The following SYNE2 variants were observed in gnomAD, a reference collection of about 807,000 sequenced individuals.
SYNE2 encodes spectrin repeat containing nuclear envelope protein 2, also known as nesprin-2.
In SYNE2, 431 loss-of-function variants were observed where a neutral mutation model predicts 856.3. The ratio of observed to expected loss-of-function variants is 0.50; its 90% CI spans 0.47 to 0.55. The LOEUF is 0.55. Among genes scored for constraint, SYNE2 ranks in the 20% least tolerant of loss-of-function variants. The pLI is 0.00. For missense variants in SYNE2, 8,129 were observed against 8,023.2 expected, an observed-to-expected ratio of 1.01 and a Z score of -0.50; for synonymous variants, 2,923 against 2,872.3, an observed-to-expected ratio of 1.02 and a Z score of -0.56.
intron 1 of SYNE2, among the ~76,000 whole-genome samples, chr14:63,890,358 C>A (rs749196188): frequency 3.9e-5 from 6 of 152,074 alleles, no homozygotes; most frequent in Non-Finnish European, 8.8e-5. Flanking sequence ...CTACTGCGCT[C>A]GGCTATTAAG....
At position 64,000,707 on chromosome 14, in the gene SYNE2, C is replaced by T. The variant is rs1436405196; in HGVS notation, c.3626C>T (p.Thr1209Ile). The change falls in exon 28 of 116, where the codon ACT becomes ATT. Residue 1209 changes from threonine to isoleucine, a missense_variant. Coordinates refer to ENST00000555002, the MANE Select transcript of SYNE2 (RefSeq NM_182914.3). ...LKERERELQMTLNTRMESLET... is the reference protein window; with the variant it reads ...LKERERELQMILNTRMESLET... ...GAAAGAGAAAGAGAGCTTCAGATGA[C>T]TCTTAATACCAGGTAAAATTCTGAG... The T allele has an allele frequency of 6.2e-7, 1 of 1,611,896 alleles. No individual in the cohort carries two copies. Among genetic ancestry groups the T allele is most frequent in the Admixed American group, 1.7e-5 (1 of 59,946 alleles).
intron 57 of SYNE2, among the ~76,000 whole-genome samples, chr14:64,083,182 A>G (rs1230349434): frequency 2.0e-5 from 3 of 151,998 alleles, no homozygotes; most frequent in East Asian, 3.8e-4. Flanking sequence ...TCTTACGGTA[A>G]CAGTTGTAAA....
At chr14:63,956,564 A>C in intron 8 of SYNE2, 1 of 412,150 alleles carries the variant, frequency 2.4e-6, no homozygotes, top group Non-Finnish European at 4.8e-6. Flanking sequence ...CTTTATTAAG[A>C]GATAATTCAC....
At chr14:64,076,128 T>C (rs1409446525) in intron 54 of SYNE2, 28 bp downstream of exon 54, 4 of 1,609,700 alleles carry the variant, frequency 2.5e-6, no homozygotes, top group African/African-American at 1.3e-5. Context: ...ACTACTGTTA[T>C]TATTTACGGA....
chr14:64,225,928 A>C lies in SYNE2; in HGVS notation c.*402A>C. ...GCAAGCGAGGACATTCCACCCTAGA[A>C]ATGGTTCAGAAACTCATAGGCACCC... is the stretch of plus-strand genomic sequence containing the variant. On this transcript the variant is annotated 3_prime_UTR_variant, in exon 116 of 116. Transcript: ENST00000555002. The C allele has an allele frequency of 2.5e-6, 1 of 393,938 alleles. No individual in the cohort carries two copies. Among genetic ancestry groups the C allele is most frequent in the East Asian group, 4.6e-5 (1 of 21,760 alleles). 24.4% of individuals were successfully genotyped at this position (393,938 alleles called of 1,614,324 possible). A position where few individuals can be genotyped will look rare whatever the true frequency, so the allele number is the denominator to read the frequency against.
Position 63,967,701 on chromosome 14 carries a change from A to G in SYNE2, c.991-8A>G. On this transcript the variant is annotated splice_polypyrimidine_tract_variant and splice_region_variant and intron_variant, in intron 10 of 115. Coordinates refer to ENST00000555002, the MANE Select transcript of SYNE2 (RefSeq NM_182914.3). ...TTTTCAATCTTTAAAATACTCTTCT[A>G]ATTGCAGAGCCTGCTGTCCTTTATG... is the stretch of plus-strand genomic sequence containing the variant. 1 of 1,613,656 alleles carries G rather than the reference A, an allele frequency of 6.2e-7. No homozygotes were observed. The highest frequency in any genetic ancestry group is 8.5e-7 in the Non-Finnish European group (1 of 1,179,626).
intron 1 of SYNE2, among the ~76,000 whole-genome samples, chr14:63,836,398 A>G (rs1889861215): frequency 6.6e-6 from 1 of 152,216 alleles, no homozygotes; most frequent in South Asian, 2.1e-4. Flanking sequence ...AGTGCAGACA[A>G]CAATATAAGA....
chr14:63,884,536 T>C (rs918327903), intron 1 of SYNE2, among the ~76,000 whole-genome samples: 1 of 151,998 alleles, frequency 6.6e-6, no homozygotes, highest in African/African-American at 2.4e-5. Flanking sequence ...TACACTGAGA[T>C]TGTGGCACGG....
chr14:64,059,407 G>C (rs150453329), intron 49 of SYNE2, among the ~76,000 whole-genome samples: 160 of 152,320 alleles, frequency 1.1e-3, no homozygotes, highest in African/African-American at 3.7e-3. Flanking sequence ...TAATAATGTT[G>C]TGGTTTTTGC....
chr14:64,039,677 A>G (rs1289995842), intron 45 of SYNE2, among the ~76,000 whole-genome samples: 2 of 152,238 alleles, frequency 1.3e-5, no homozygotes, highest in Admixed American at 6.5e-5. Flanking sequence ...ATTTATGCTC[A>G]GAAGCTCAAT....
In SYNE2 at chr14:63,917,155, A is replaced by C. The variant is rs182853027; in HGVS notation, c.79+7928A>C. Among the ~76,000 whole-genome samples, 84 of 152,260 alleles carry C rather than the reference A, an allele frequency of 5.5e-4. No homozygotes were observed. The Middle Eastern group carries it at 0.014, about 25-fold the overall frequency. On this transcript the variant is annotated intron_variant, in intron 2 of 115. Transcript: ENST00000555002. The stretch of plus-strand genomic sequence containing the variant: ...GTGGAATTTCTACCCTTTTGTAGTA[A>C]AGTCCCCAGTGTGGGATTTTGAGGT...
intron 84 of SYNE2, among the ~76,000 whole-genome samples, chr14:64,151,079 C>G (rs1727952042): frequency 6.6e-6 from 1 of 152,154 alleles, no homozygotes; most frequent in South Asian, 2.1e-4. Context: ...GTGGAAGATT[C>G]CTCCAGCTCC....
chr14:64,213,621 C>T (rs1185020472), intron 105 of SYNE2, among the ~76,000 whole-genome samples: 1 of 152,120 alleles, frequency 6.6e-6, no homozygotes, highest in Non-Finnish European at 1.5e-5. Context: ...TGGCCACATT[C>T]AAATGTAGTT....
chr14:63,956,934 G>T (rs947675548), intron 8 of SYNE2, among the ~76,000 whole-genome samples: 1 of 151,956 alleles, frequency 6.6e-6, no homozygotes, highest in African/African-American at 2.4e-5. Flanking sequence ...ATCCCCAAAG[G>T]AACTCCTGTG....
chr14:64,211,045 G>A (rs1427451244), intron 103 of SYNE2, among the ~76,000 whole-genome samples: 1 of 152,054 alleles, frequency 6.6e-6, no homozygotes, highest in Non-Finnish European at 1.5e-5. Flanking sequence ...GCAGTGGTGA[G>A]ATCATAGCTC....
intron 108 of SYNE2, among the ~76,000 whole-genome samples, chr14:64,216,719 C>CT (rs1376764653): frequency 1.3e-5 from 2 of 152,316 alleles, no homozygotes; most frequent in East Asian, 3.9e-4. Flanking sequence ...GCTCTCAAGC[C>CT]TTTGTCTTTT....
At chr14:64,081,883 G>A (rs1450814732) in intron 57 of SYNE2, among the ~76,000 whole-genome samples, 4 of 151,974 alleles carry the variant, frequency 2.6e-5, no homozygotes, top group South Asian at 2.1e-4. Flanking sequence ...TTAGGAGATC[G>A]AGACCATCCT....
chr14:64,113,076 C>T lies in SYNE2; in HGVS notation c.12610-265C>T, dbSNP rs375239500. ...TTCTCACCTGTCTCCTGGGGCTCAC[C>T]GGGTAGTGAACTGTGAGCCTGTTTG... is the stretch of plus-strand genomic sequence containing the variant. On this transcript the variant is annotated intron_variant, in intron 65 of 115. Coordinates refer to ENST00000555002, the MANE Select transcript of SYNE2 (RefSeq NM_182914.3). The T allele has an allele frequency of 7.7e-4, 754 of 985,328 alleles. 16 individuals are homozygous for T. The South Asian group carries it at 0.031, about 41-fold the overall frequency. 61.0% of individuals were successfully genotyped at this position (985,328 alleles called of 1,614,324 possible). A position where few individuals can be genotyped will look rare whatever the true frequency, so the allele number is the denominator to read the frequency against.
At chr14:63,970,923 T>A (rs1033037299) in intron 11 of SYNE2, among the ~76,000 whole-genome samples, 1 of 151,418 alleles carries the variant, frequency 6.6e-6, no homozygotes, top group Non-Finnish European at 1.5e-5. Context: ...AAAGTGCTGG[T>A]ATTACAGACA....
Sources: allele counts gnomAD v4.1 joint callset (sites outside exome capture counted in the v4.1 genomes callset), GRCh38; gene constraint gnomAD v4.1.1; transcripts MANE v1.5; gene names NCBI Gene and HGNC (gene_info 2026-07-23, HGNC 2026-07-21).